Variants in ATP10A observed in about 807,000 individuals in gnomAD.
ATP10A encodes ATPase phospholipid transporting 10A (putative).
In ATP10A, 111 loss-of-function variants were observed where a neutral mutation model predicts 147.8. That is an observed-to-expected ratio of 0.75 (90% CI 0.64 to 0.88). The LOEUF (loss-of-function observed/expected upper bound fraction) is 0.88, where lower values mean the gene tolerates loss of function less well. Ranked by LOEUF, ATP10A falls within the 40% of genes least tolerant of loss-of-function variation. The pLI is 0.00. For missense variants in ATP10A, 1,927 were observed against 1,959.0 expected (o/e 0.98, Z 0.31); for synonymous variants, 875 against 841.6 (o/e 1.04, Z -0.69).
chr15:25,862,329 G>T, intron 1 of ATP10A: 1 of 562,838 alleles, frequency 1.8e-6, no homozygotes, highest in East Asian at 4.2e-5. Context: ...CACTTCAGGT[G>T]GGAGCGGCTG....
intron 2 of ATP10A, among the ~76,000 whole-genome samples, chr15:25,765,526 G>A (rs533150251): frequency 9.2e-5 from 14 of 152,030 alleles, no homozygotes; most frequent in African/African-American, 2.7e-4. Context: ...ATCCCTCACC[G>A]CGGCACTACA....
chr15:25,833,005 C>G (rs185966927), intron 1 of ATP10A, among the ~76,000 whole-genome samples: 216 of 122,158 alleles, frequency 1.8e-3, no homozygotes, highest in African/African-American at 6.1e-3. Context: ...TTTTTTGAGA[C>G]AGAGTCTCAC....
chr15:25,806,443 C>G (rs12591145), intron 1 of ATP10A, among the ~76,000 whole-genome samples: 81,098 of 151,080 alleles, frequency 0.54, 22,983 homozygotes, highest in East Asian at 0.8. Context: ...CTCCCGAATA[C>G]CTGGGACTAT....
At chr15:25,793,123 G>C (rs150142728) in intron 1 of ATP10A, among the ~76,000 whole-genome samples, 2,358 of 152,124 alleles carry the variant, frequency 0.016, 31 homozygotes, top group Middle Eastern at 0.041. Flanking sequence ...CACCCACCTC[G>C]GCCTCCCAAA....
In ATP10A at chr15:25,683,280, C is replaced by A. The variant is rs1271500754; in HGVS notation, c.3492+6G>T. The A allele has an allele frequency of 6.2e-7, 1 of 1,612,728 alleles. No individual in the cohort carries two copies. The highest frequency in any genetic ancestry group is 1.3e-5 in the African/African-American group (1 of 74,852). ...GGTGGAAGGCGGAGACTCGGGGGAG[C>A]TTTACCTCCATGTTCTGGCCACTCT... On this transcript the variant is annotated splice_donor_region_variant and intron_variant, in intron 17 of 20. Coordinates refer to ENST00000555815, the MANE Select transcript of ATP10A (RefSeq NM_024490.4).
Position 25,786,617 on chromosome 15 carries a change from CTTTTTTTTTTTTTTTT to C in ATP10A, c.450-5410_450-5395del, listed in dbSNP as rs35892408. On this transcript the variant is annotated intron_variant, in intron 1 of 20. Transcript: ENST00000555815. ...CTCAGCATTGAGACATCATTATCAT[CTTTTTTTTTTTTTTTT>C]TTTTTTTTTTGAGGCGGAGTCTCGC... 4.4e-5 allele frequency among the ~76,000 whole-genome samples: 3 copies of C among 68,902 alleles called. No homozygotes were observed. In the Admixed American group the frequency reaches 7.1e-4, roughly 16 times the overall value. 45.2% of individuals were successfully genotyped at this position (68,902 alleles called of 152,430 possible). A position where few individuals can be genotyped will look rare whatever the true frequency, so the allele number is the denominator to read the frequency against.
intron 1 of ATP10A, among the ~76,000 whole-genome samples, chr15:25,815,973 T>C (rs1026166422): frequency 1.3e-5 from 2 of 151,464 alleles, no homozygotes; most frequent in African/African-American, 4.9e-5. Context: ...TGGAAAGTTT[T>C]AAGAAAAGAA....
intron 1 of ATP10A, among the ~76,000 whole-genome samples, chr15:25,820,941 T>G (rs1891852126): frequency 6.6e-6 from 1 of 152,226 alleles, no homozygotes; most frequent in African/African-American, 2.4e-5. Flanking sequence ...TTCCACTTTA[T>G]GTGTCAAAAA....
At chr15:25,790,163 T>C (rs1890344591) in intron 1 of ATP10A, among the ~76,000 whole-genome samples, 1 of 152,168 alleles carries the variant, frequency 6.6e-6, no homozygotes, top group South Asian at 2.1e-4. Flanking sequence ...CAGTGAGACA[T>C]GCTAATGGAT....
chr15:25,742,906 T>C (rs966268831), intron 2 of ATP10A, among the ~76,000 whole-genome samples: 2 of 152,248 alleles, frequency 1.3e-5, no homozygotes, highest in African/African-American at 4.8e-5. Context: ...CACATCAGTC[T>C]GTCTGCTTCC....
chr15:25,713,987 C>G lies in ATP10A; in HGVS notation c.2031G>C (p.Trp677Cys), dbSNP rs372456477. 5 of 1,609,852 alleles carry G rather than the reference C, an allele frequency of 3.1e-6. No homozygotes were observed. Among genetic ancestry groups the G allele is most frequent in the Non-Finnish European group, 3.4e-6 (4 of 1,179,930 alleles). Reference protein sequence around the residue: ...SNGYSSQADNWASELAQEQES... With the variant: ...SNGYSSQADNCASELAQEQES... ...CCTGCTCCTGAGCAAGCTCCGAGGCCCAGTTGTCCGCCTGGCTGCTGTAGC... is the reference window on the plus strand; with the variant it reads ...CCTGCTCCTGAGCAAGCTCCGAGGCGCAGTTGTCCGCCTGGCTGCTGTAGC... The change falls in exon 10 of 21, where the codon TGG becomes TGC. Residue 677 changes from tryptophan (W) to cysteine (C), a missense_variant. By Grantham distance (215) the Trp-to-Cys change is radical. Coordinates refer to ENST00000555815, the MANE Select transcript of ATP10A (RefSeq NM_024490.4).
chr15:25,797,649 G>C (rs189951892), intron 1 of ATP10A, among the ~76,000 whole-genome samples: 1 of 152,270 alleles, frequency 6.6e-6, no homozygotes, highest in East Asian at 1.9e-4. Context: ...CTCCTCGGGG[G>C]ACAGCCATCC....
intron 12 of ATP10A, among the ~76,000 whole-genome samples, chr15:25,705,276 A>T (rs528865641): frequency 7.7e-4 from 117 of 152,158 alleles, no homozygotes; most frequent in Non-Finnish European, 7.6e-4. Flanking sequence ...CTACCAAAAA[A>T]AAGTAAAAAT....
At chr15:25,680,736 A>G in intron 19 of ATP10A, 74 bp downstream of exon 19, 1 of 1,406,612 alleles carries the variant, frequency 7.1e-7, no homozygotes, top group Non-Finnish European at 1.0e-6. Flanking sequence ...CCCAGACCTC[A>G]TGAATCTGCA....
chr15:25,702,389 C>T (rs1202871001), intron 12 of ATP10A, among the ~76,000 whole-genome samples: 1 of 152,240 alleles, frequency 6.6e-6, no homozygotes, highest in African/African-American at 2.4e-5. Context: ...TGTGTACTTA[C>T]ACCAAAGTAC....
chr15:25,813,450 T>A (rs1043163887), intron 1 of ATP10A, among the ~76,000 whole-genome samples: 5 of 152,282 alleles, frequency 3.3e-5, no homozygotes, highest in Admixed American at 6.5e-5. Context: ...AACATAAAAA[T>A]GTCCAGCACT....
chr15:25,840,043 G>A (rs1048232687), intron 1 of ATP10A, among the ~76,000 whole-genome samples: 2 of 152,094 alleles, frequency 1.3e-5, no homozygotes, highest in Admixed American at 6.5e-5. Flanking sequence ...CTGGGGCCAC[G>A]TTCACCCCCT....
intron 1 of ATP10A, among the ~76,000 whole-genome samples, chr15:25,811,873 C>T (rs1891448998): frequency 6.6e-6 from 1 of 152,206 alleles, no homozygotes; most frequent in African/African-American, 2.4e-5. Flanking sequence ...GACTGCTCTC[C>T]ACTCTGCAAG....
chr15:25,799,865 G>A (rs761724308), intron 1 of ATP10A, among the ~76,000 whole-genome samples: 1 of 152,128 alleles, frequency 6.6e-6, no homozygotes, highest in Non-Finnish European at 1.5e-5. Context: ...TTATAAATTA[G>A]GTAAAAGTTC....
Sources: allele counts gnomAD v4.1 joint callset (sites outside exome capture counted in the v4.1 genomes callset), GRCh38; gene constraint gnomAD v4.1.1; transcripts MANE v1.5; gene names NCBI Gene and HGNC (gene_info 2026-07-23, HGNC 2026-07-21).